The following DPH7 variants were observed in gnomAD, a reference collection of about 807,000 sequenced individuals.
DPH7 encodes diphthine methyltransferase.
A neutral mutation model predicts 41.7 loss-of-function variants in DPH7; 44 were observed. That is an observed-to-expected ratio of 1.05 (90% confidence interval 0.83 to 1.36). DPH7 has a LOEUF of 1.36. Ranked by LOEUF, DPH7 falls within the 40% of genes most tolerant of loss-of-function variation. DPH7 has a pLI of 0.00. For missense variants in DPH7, 629 were observed against 577.5 expected, an observed-to-expected ratio of 1.09 and a Z score of -0.91; for synonymous variants, 275 against 238.0, an observed-to-expected ratio of 1.16 and a Z score of -1.43.
chr9:137,575,009 A>G, intron 3 of DPH7, 166 bp from the exon 4 acceptor site: 2 of 1,418,372 alleles, frequency 1.4e-6, no homozygotes, highest in South Asian at 1.5e-5. Flanking sequence ...AACCCCTGCT[A>G]GGGGCCCCGA....
At chr9:137,569,808 C>T (rs1455701819) in intron 5 of DPH7, among the ~76,000 whole-genome samples, 1 of 149,108 alleles carries the variant, frequency 6.7e-6, no homozygotes, top group Non-Finnish European at 1.5e-5. Flanking sequence ...ACGCCACCAC[C>T]ACCACCATCC....
rs569647008 is a variant in DPH7, at chr9:137,555,782, T to G, written c.950-134A>C. The stretch of plus-strand genomic sequence containing the variant: ...AAGTGTTTCCTGAGGAGCCGTTGTG[T>G]CATGCAAAGGAACCAGCAAGACCTG... On this transcript the variant is annotated intron_variant, in intron 8 of 8. Transcript: ENST00000277540. 9 of 1,024,716 alleles carry G rather than the reference T, an allele frequency of 8.8e-6. No homozygotes were observed. The South Asian group carries it at 1.6e-4, about 18-fold the overall frequency. The allele number at this position is 1,024,716 out of a possible 1,614,324, so 63.5% of individuals were successfully genotyped here.
intron 5 of DPH7, among the ~76,000 whole-genome samples, chr9:137,571,470 C>T (rs1840419809): frequency 6.6e-6 from 1 of 152,096 alleles, no homozygotes; most frequent in Non-Finnish European, 1.5e-5. Context: ...CAGGTGTGAG[C>T]CACCGCGCCT....
Position 137,578,916 on chromosome 9 carries a change from T to A in DPH7, c.-139A>T. The A allele has an allele frequency of 1.1e-6, 1 of 913,002 alleles. No homozygotes were observed. The highest frequency in any genetic ancestry group is 1.4e-6 in the Non-Finnish European group (1 of 690,116). The allele number at this position is 913,002 out of a possible 1,614,324, so 56.6% of individuals were successfully genotyped here. On this transcript the variant is annotated 5_prime_UTR_variant, in exon 1 of 9. Coordinates refer to ENST00000277540, the MANE Select transcript of DPH7 (RefSeq NM_138778.5). Reference sequence around the variant, plus strand: ...GGACACCGTCAGCGCGGGCCGCCTCTCTCGCGACTCCTTCCGGGGTGCCGG... The same window carrying A: ...GGACACCGTCAGCGCGGGCCGCCTCACTCGCGACTCCTTCCGGGGTGCCGG...
At chr9:137,563,361 A>T (rs1838953961) in intron 8 of DPH7, among the ~76,000 whole-genome samples, 1 of 151,772 alleles carries the variant, frequency 6.6e-6, no homozygotes, top group Non-Finnish European at 1.5e-5. Flanking sequence ...TGAACCCCCC[A>T]TCTCTTCTAA....
chr9:137,578,921 C>G lies in DPH7; in HGVS notation c.-144G>C. 1.1e-6 allele frequency: 1 copy of G among 894,772 alleles called. No homozygotes were observed. 55.4% of individuals were successfully genotyped at this position (894,772 alleles called of 1,614,324 possible). On this transcript the variant is annotated 5_prime_UTR_variant, in exon 1 of 9. Transcript: ENST00000277540. ...CCGTCAGCGCGGGCCGCCTCTCTCG[C>G]GACTCCTTCCGGGGTGCCGGGGCGG...
Position 137,574,492 on chromosome 9 carries a change from C to T in DPH7, c.468-112G>A. The T allele has an allele frequency of 4.3e-6, 5 of 1,162,204 alleles. No homozygotes were observed. The South Asian group carries it at 4.4e-5, about 10-fold the overall frequency. 72.0% of individuals were successfully genotyped at this position (1,162,204 alleles called of 1,614,324 possible). A position where few individuals can be genotyped will look rare whatever the true frequency, so the allele number is the denominator to read the frequency against. On this transcript the variant is annotated intron_variant, in intron 4 of 8. Coordinates refer to ENST00000277540, the MANE Select transcript of DPH7 (RefSeq NM_138778.5). Reference sequence around the variant, plus strand: ...TCCACAGCCCTGGGATGCGGATATGCCCCTTAAGAGACTGGCGGCTAAGAT... The same window carrying T: ...TCCACAGCCCTGGGATGCGGATATGTCCCTTAAGAGACTGGCGGCTAAGAT...
At chr9:137,574,638 A>T in intron 4 of DPH7, 114 bp downstream of exon 4, 1 of 1,033,972 alleles carries the variant, frequency 9.7e-7, no homozygotes, top group Non-Finnish European at 1.5e-6. Context: ...TGATGATGTC[A>T]GGGCTGAGGA....
rs537153405 is a variant in DPH7, at chr9:137,555,880, A to G, written c.950-232T>C. Reference sequence around the variant, plus strand: ...CTGTGTGCCTCCAAGAGAAGCATCAAGCGGGGCTACAGAACCTCACTTGAT... The same window carrying G: ...CTGTGTGCCTCCAAGAGAAGCATCAGGCGGGGCTACAGAACCTCACTTGAT... On this transcript the variant is annotated intron_variant, in intron 8 of 8. Coordinates refer to ENST00000277540, the MANE Select transcript of DPH7 (RefSeq NM_138778.5). Among the ~76,000 whole-genome samples the G allele has an allele frequency of 2.2e-4, 34 of 152,364 alleles. 1 individual carries two copies. Among genetic ancestry groups the G allele is most frequent in the Middle Eastern group, 3.4e-3 (1 of 294 alleles).
At chr9:137,574,150 C>T in intron 5 of DPH7, 58 bp downstream of exon 5, 1 of 1,563,494 alleles carries the variant, frequency 6.4e-7, no homozygotes, top group Non-Finnish European at 8.8e-7. Context: ...TCCCTCTCTC[C>T]CTCCGCCCCT....
At chr9:137,570,426 C>G (rs552127349) in intron 5 of DPH7, among the ~76,000 whole-genome samples, 21 of 152,182 alleles carry the variant, frequency 1.4e-4, no homozygotes, top group Non-Finnish European at 2.5e-4. Flanking sequence ...TATCCAGAAC[C>G]CAACCACTGG....
At chr9:137,576,530 G>A (rs1841418336) in intron 2 of DPH7, 2 of 222,348 alleles carry the variant, frequency 9.0e-6, no homozygotes, top group South Asian at 1.7e-4. Flanking sequence ...TTGAGGTAAG[G>A]AGTTCGAAAC....
intron 5 of DPH7, among the ~76,000 whole-genome samples, chr9:137,570,855 CCT>C (rs1432614132): frequency 6.6e-6 from 1 of 152,166 alleles, no homozygotes; most frequent in Non-Finnish European, 1.5e-5. Context: ...CCCTTGGTCC[CCT>C]CTCACCTCCT....
chr9:137,555,597 A>T lies in DPH7; in HGVS notation c.1001T>A (p.Leu334Gln). The change falls in exon 9 of 9, where the codon CTG becomes CAG. Residue 334 changes from leucine to glutamine, a missense_variant. Leu to Gln is a moderately radical substitution (Grantham distance 113, BLOSUM62 -2). Coordinates refer to ENST00000277540, the MANE Select transcript of DPH7 (RefSeq NM_138778.5). ...CCAGGACCAGTCGGCTCCATACACC[A>T]GCGAGTCGGGCAATGTGTGAGATGT... ...VLTSHTLPDS[L>Q]VYGADWSWLL... is the part of the protein sequence containing the mutation. 1.2e-6 allele frequency: 2 copies of T among 1,612,748 alleles called. No homozygotes were observed. Among genetic ancestry groups the T allele is most frequent in the South Asian group, 2.2e-5 (2 of 91,026 alleles).
intron 5 of DPH7, among the ~76,000 whole-genome samples, chr9:137,570,671 G>T (rs922117319): frequency 2.6e-5 from 4 of 152,168 alleles, no homozygotes; most frequent in African/African-American, 9.7e-5. Flanking sequence ...ACGGCCCTGT[G>T]CCCTGGCCCA....
intron 8 of DPH7, among the ~76,000 whole-genome samples, chr9:137,563,231 G>A (rs932699700): frequency 6.6e-6 from 1 of 152,022 alleles, no homozygotes; most frequent in African/African-American, 2.4e-5. Context: ...AACTAAAGAT[G>A]CAAAACACAG....
intron 7 of DPH7, 71 bp downstream of exon 7, chr9:137,564,822 A>G: frequency 6.6e-7 from 1 of 1,521,060 alleles, no homozygotes; most frequent in Admixed American, 1.9e-5. Context: ...GAAAGAGGGA[A>G]GAAGGGCCCA....
At chr9:137,559,114 A>C (rs1027356085) in intron 8 of DPH7, among the ~76,000 whole-genome samples, 1 of 152,250 alleles carries the variant, frequency 6.6e-6, no homozygotes, top group African/African-American at 2.4e-5. Flanking sequence ...AATATCATTA[A>C]TCATTAGTTG....
chr9:137,573,580 G>T (rs1840845992), intron 5 of DPH7, among the ~76,000 whole-genome samples: 1 of 148,024 alleles, frequency 6.8e-6, no homozygotes, highest in Non-Finnish European at 1.5e-5. Flanking sequence ...CTACTCAAGA[G>T]GCTGAGGCAG....
Sources: gnomAD v4.1 joint callset for allele counts (sites outside exome capture counted in the v4.1 genomes callset) on GRCh38, gnomAD v4.1.1 for gene constraint, MANE v1.5 for transcripts, NCBI Gene and HGNC (gene_info 2026-07-23, HGNC 2026-07-21) for gene names.